NBPF9: variants seen among roughly 807,000 people sequenced by gnomAD.
The protein encoded by NBPF9 is NBPF member 9.
A neutral mutation model predicts 97.8 loss-of-function variants in NBPF9; 91 were observed. The ratio of observed to expected loss-of-function variants is 0.93; its 90% CI spans 0.79 to 1.11. The LOEUF is 1.11. Among genes scored for constraint, NBPF9 ranks in the 50% least tolerant of loss-of-function variants. The probability of loss-of-function intolerance (pLI) is 0.00; values close to 1 mark genes in which losing one functional copy is unlikely to be tolerated. For missense variants in NBPF9, 992 were observed against 939.5 expected (o/e 1.06, Z -0.73); for synonymous variants, 334 against 359.5 (o/e 0.93, Z 0.80).
At position 149,097,082 on chromosome 1, in the gene NBPF9, A is replaced by AAGGAAGGAAGGAGGAAGGGAGGT. The variant is rs1553661879; in HGVS notation, c.-337+1355_-337+1356insACCTCCCTTCCTCCTTCCTTCCT. On this transcript the variant is annotated intron_variant, in intron 4 of 29. Transcript: ENST00000584027. ...GGAGGGAAGGAAGGAGGAAGGGAGG[A>AAGGAAGGAAGGAGGAAGGGAGGT]AGGAAGGAAGGAAGGAAGGGAGGGA... Among the ~76,000 whole-genome samples the AAGGAAGGAAGGAGGAAGGGAGGT allele has an allele frequency of 7.3e-3, 673 of 92,460 alleles. 4 individuals carry two copies. The highest frequency in any genetic ancestry group is 0.033 in the African/African-American group (637 of 19,590). The allele number at this position is 92,460 out of a possible 152,430, so 60.7% of individuals were successfully genotyped here.
chr1:149,100,718 G>C (rs1164134773), intron 3 of NBPF9, among the ~76,000 whole-genome samples: 1 of 152,192 alleles, frequency 6.6e-6, no homozygotes, highest in Admixed American at 6.5e-5. Context: ...AAGATTACTT[G>C]AGCCCAACAG....
In NBPF9 at chr1:149,056,023, G is replaced by GA; in HGVS notation, c.3093-125_3093-124insT. Reference sequence around the variant, plus strand: ...GAAAAAGGATAGATCCATTAATGAGGTAAAAAAAAAAATTTATTGCCTTTA... The same window carrying GA: ...GAAAAAGGATAGATCCATTAATGAGGATAAAAAAAAAAATTTATTGCCTTTA... On this transcript the variant is annotated intron_variant, in intron 29 of 29. Transcript: ENST00000584027. The GA allele has an allele frequency of 1.9e-6, 3 of 1,577,172 alleles. No individual in the cohort carries two copies. In the African/African-American group the frequency reaches 4.2e-5, roughly 22 times the overall value.
chr1:149,062,464 G>A (rs1251518975), intron 21 of NBPF9, among the ~76,000 whole-genome samples, 199 bp from the exon 22 acceptor site: 2 of 142,846 alleles, frequency 1.4e-5, no homozygotes, highest in East Asian at 3.9e-4. Context: ...ACAGGGAGAG[G>A]GAGAGAGAGA....
chr1:149,064,732 T>G (rs1400835900), intron 18 of NBPF9: 11 of 618,778 alleles, frequency 1.8e-5, no homozygotes, highest in Non-Finnish European at 3.1e-5. Context: ...CCTAGGTTTA[T>G]GTACACAAAT....
chr1:149,103,225 C>T (rs1180492887), intron 1 of NBPF9, 76 bp downstream of exon 1: 1 of 150,610 alleles, frequency 6.6e-6, no homozygotes, highest in Non-Finnish European at 1.5e-5. Flanking sequence ...AAGCTTGCGA[C>T]AGCCGCAGCT....
chr1:149,054,779 ATCTCT>A (rs1553648326), exon 30 of NBPF9: 1 of 152,140 alleles, frequency 6.6e-6, no homozygotes, highest in Admixed American at 6.5e-5. Flanking sequence ...AACCCAAAAT[ATCTCT>A]TCTCCTTTTT....
rs1449248895 is a variant in NBPF9 at position 149,060,128 on chromosome 1, C to T, written c.2477-320G>A. ...CCTCAAATGATTTCTAGGAGAAAAA[C>T]TGCAATATTTAGCCCTGTCTCATCA... is the stretch of plus-strand genomic sequence containing the variant. On this transcript the variant is annotated intron_variant, in intron 24 of 29. Transcript: ENST00000584027. 3.4e-5 allele frequency: 8 copies of T among 235,056 alleles called. 1 individual carries two copies. In the East Asian group the frequency reaches 4.9e-4, roughly 14 times the overall value. The allele number at this position is 235,056 out of a possible 1,614,324, so 14.6% of individuals were successfully genotyped here.
exon 2 of NBPF9, chr1:149,102,792 C>G (rs1465672513): frequency 6.6e-6 from 1 of 152,092 alleles, no homozygotes; most frequent in Non-Finnish European, 1.5e-5. Flanking sequence ...GTGACGGCTA[C>G]AAACGCTCCT....
chr1:149,082,077 G>T, exon 7 of NBPF9: 3 of 1,609,658 alleles, frequency 1.9e-6, no homozygotes, highest in South Asian at 2.2e-5. Flanking sequence ...GCAATTTCTC[G>T]TTGATTTCTA....
At position 149,077,789 on chromosome 1, in the gene NBPF9, G is replaced by A; in HGVS notation, c.566+94C>T. On this transcript the variant is annotated intron_variant, in intron 10 of 29. Transcript: ENST00000584027. Reference sequence around the variant, plus strand: ...ACATACTGTGGCCAAGGGGATGCGGGCTTTTGGCCCACCATAGATGCCAGA... The same window carrying A: ...ACATACTGTGGCCAAGGGGATGCGGACTTTTGGCCCACCATAGATGCCAGA... 10 of 1,553,750 alleles carry A rather than the reference G, an allele frequency of 6.4e-6. No individual in the cohort carries two copies. The South Asian group carries it at 8.9e-5, about 14-fold the overall frequency.
intron 21 of NBPF9, among the ~76,000 whole-genome samples, chr1:149,062,472 AG>A (rs1371140066): frequency 6.9e-6 from 1 of 144,622 alleles, no homozygotes; most frequent in African/African-American, 2.6e-5. Flanking sequence ...AGGGAGAGAG[AG>A]AGAGAGGAGA....
intron 5 of NBPF9, among the ~76,000 whole-genome samples, chr1:149,086,125 C>T (rs1293258277): frequency 1.3e-5 from 2 of 151,164 alleles, no homozygotes; most frequent in African/African-American, 4.9e-5. Context: ...TTTGTACTTT[C>T]ACTTATTATT....
chr1:149,071,555 T>A (rs1553652928), intron 15 of NBPF9, 49 bp downstream of exon 15: 1 of 911,800 alleles, frequency 1.1e-6, no homozygotes, highest in Non-Finnish European at 1.8e-6. Flanking sequence ...CTCCTAGATA[T>A]TCCTCATATG....
chr1:149,084,896 G>C (rs1404505294), intron 5 of NBPF9, among the ~76,000 whole-genome samples: 1 of 150,972 alleles, frequency 6.6e-6, no homozygotes, highest in African/African-American at 2.4e-5. Flanking sequence ...CACCTTCAAC[G>C]TCATTGTCAC....
At chr1:149,100,137 G>T (rs78724270) in intron 3 of NBPF9, among the ~76,000 whole-genome samples, 2 of 139,174 alleles carry the variant, frequency 1.4e-5, no homozygotes, top group African/African-American at 2.7e-5. Context: ...TAAGAACAAT[G>T]AAGTATAAAA....
At chr1:149,080,876 G>C (rs1156305946) in intron 7 of NBPF9, among the ~76,000 whole-genome samples, 1 of 151,396 alleles carries the variant, frequency 6.6e-6, no homozygotes, top group Non-Finnish European at 1.5e-5. Flanking sequence ...GCAATTTACA[G>C]AGGTAGGTAT....
intron 5 of NBPF9, among the ~76,000 whole-genome samples, chr1:149,084,419 GTA>G (rs1553657868): frequency 6.9e-6 from 1 of 145,880 alleles, no homozygotes; most frequent in Non-Finnish European, 1.5e-5. Context: ...TATAACATGT[GTA>G]TATATATTAT....
At chr1:149,058,079 G>C in intron 27 of NBPF9, 85 bp downstream of exon 27, 4 of 415,424 alleles carry the variant, frequency 9.6e-6, no homozygotes, top group Non-Finnish European at 1.6e-5. Context: ...AGATGTAATC[G>C]ATAATGTCAG....
In NBPF9 at chr1:149,082,134, C is replaced by A; in HGVS notation, c.6G>T (p.Val2=). ...CGCTGGACCAAGGGCCGGCTGATAC[C>A]ACCATGCTGACGTTTGTGGCAGAAG... Residue 2 remains valine (V), a synonymous_variant, in exon 7 of 30, where the codon GTG becomes GTT. Transcript: ENST00000584027. The A allele has an allele frequency of 1.9e-6, 3 of 1,611,978 alleles. No homozygotes were observed. In the South Asian group the frequency reaches 3.3e-5, roughly 18 times the overall value.
Sources: gnomAD v4.1 joint callset for allele counts (sites outside exome capture counted in the v4.1 genomes callset) on GRCh38, gnomAD v4.1.1 for gene constraint, MANE v1.5 for transcripts, NCBI Gene and HGNC (gene_info 2026-07-23, HGNC 2026-07-21) for gene names.